Variants in CSTPP1 observed in about 807,000 individuals in gnomAD.
The protein encoded by CSTPP1 is UPF0705 protein C11orf49.
the CSTPP1 span, among the ~76,000 whole-genome samples, chr11:47,026,418 G>A: frequency 6.6e-6 from 1 of 152,122 alleles, no homozygotes; most frequent in Non-Finnish European, 1.5e-5. Flanking sequence ...AGACAAATTA[G>A]AGATTTACGG....
the CSTPP1 span, among the ~76,000 whole-genome samples, chr11:47,095,966 G>C: frequency 2.2e-3 from 334 of 152,040 alleles, 1 homozygote; most frequent in Non-Finnish European, 1.5e-3. Flanking sequence ...AACAACTAAG[G>C]GTACCCTATC....
chr11:47,038,431 TG>T, the CSTPP1 span, among the ~76,000 whole-genome samples: 2 of 56,420 alleles, frequency 3.5e-5, no homozygotes, highest in Non-Finnish European at 8.9e-5. Context: ...ACCTCCCGGA[TG>T]GGGCGGCTGG....
At chr11:47,060,763 AACCAGAT>A in the CSTPP1 span, among the ~76,000 whole-genome samples, 2 of 152,136 alleles carry the variant, frequency 1.3e-5, no homozygotes, top group South Asian at 4.2e-4. Context: ...TACTCATGTA[AACCAGAT>A]ACCACTGGTT....
the CSTPP1 span, among the ~76,000 whole-genome samples, chr11:46,985,562 G>A: frequency 2.6e-5 from 4 of 152,106 alleles, no homozygotes; most frequent in African/African-American, 9.7e-5. Context: ...AAGCTTCTAT[G>A]TAAAGTTTGT....
the CSTPP1 span, among the ~76,000 whole-genome samples, chr11:47,136,504 A>G: frequency 1.0e-3 from 159 of 152,286 alleles, no homozygotes; most frequent in African/African-American, 3.2e-3. Context: ...CCCACCTTGA[A>G]TTAAGCTTTG....
At chr11:47,123,564 T>A in the CSTPP1 span, among the ~76,000 whole-genome samples, 4 of 152,108 alleles carry the variant, frequency 2.6e-5, no homozygotes, top group African/African-American at 7.2e-5. Flanking sequence ...CAACAATGAA[T>A]AAAAAATCAA....
chr11:47,157,851 A>G, the CSTPP1 span: 2 of 1,614,128 alleles, frequency 1.2e-6, no homozygotes, highest in Non-Finnish European at 1.7e-6. Context: ...GCCCTCAGCA[A>G]TGTTCAGAGA....
the CSTPP1 span, among the ~76,000 whole-genome samples, chr11:47,100,337 G>T: frequency 6.6e-6 from 1 of 152,140 alleles, no homozygotes; most frequent in Admixed American, 6.5e-5. Context: ...AATATGTTTA[G>T]ATTGATCTGG....
the CSTPP1 span, among the ~76,000 whole-genome samples, chr11:47,125,323 A>G: frequency 6.6e-6 from 1 of 152,140 alleles, no homozygotes; most frequent in South Asian, 2.1e-4. Flanking sequence ...GATTCTGACG[A>G]GAAAACAGGC....
chr11:47,125,122 A>G, the CSTPP1 span, among the ~76,000 whole-genome samples: 371 of 152,336 alleles, frequency 2.4e-3, 1 homozygote, highest in African/African-American at 8.1e-3. Context: ...CCATATAATT[A>G]TAGATAGGGT....
the CSTPP1 span, among the ~76,000 whole-genome samples, chr11:46,998,566 T>C: frequency 6.6e-6 from 1 of 152,222 alleles, no homozygotes; most frequent in African/African-American, 2.4e-5. Context: ...CTTTTGGGTT[T>C]TCTTTTTTTT....
the CSTPP1 span, among the ~76,000 whole-genome samples, chr11:47,074,190 TCAA>T: frequency 5.4e-5 from 8 of 149,136 alleles, no homozygotes; most frequent in Admixed American, 4.0e-4. Flanking sequence ...GGCAACAGTC[TCAA>T]CAACAACAAC....
chr11:47,054,306 G>A, the CSTPP1 span, among the ~76,000 whole-genome samples: 296 of 106,000 alleles, frequency 2.8e-3, 2 homozygotes, highest in African/African-American at 0.01. Flanking sequence ...GCAATACTCC[G>A]TCTCAAAAAA....
At chr11:46,967,841 A>G in the CSTPP1 span, among the ~76,000 whole-genome samples, 1 of 150,394 alleles carries the variant, frequency 6.6e-6, no homozygotes, top group Non-Finnish European at 1.5e-5. Flanking sequence ...CTATATTATT[A>G]TCGAGACAAC....
chr11:47,069,364 A>C, the CSTPP1 span, among the ~76,000 whole-genome samples: 1 of 152,206 alleles, frequency 6.6e-6, no homozygotes, highest in Admixed American at 6.5e-5. Context: ...TGTGTCATTT[A>C]GTCTCTGAGA....
the CSTPP1 span, among the ~76,000 whole-genome samples, chr11:46,957,006 AT>A: frequency 1.3e-5 from 2 of 151,206 alleles, no homozygotes; most frequent in African/African-American, 2.4e-5. Context: ...CTTTTTGAAC[AT>A]TTTTTTTCAT....
At chr11:46,963,324 CTT>C in the CSTPP1 span, among the ~76,000 whole-genome samples, 30 of 123,000 alleles carry the variant, frequency 2.4e-4, no homozygotes, top group Admixed American at 3.2e-4. Context: ...TTAGTTTTAG[CTT>C]TTTTTTTTTT....
At chr11:47,154,345 T>C in the CSTPP1 span, 21 of 152,334 alleles carry the variant, frequency 1.4e-4, no homozygotes, top group African/African-American at 5.1e-4. Flanking sequence ...CTGCCTGGCA[T>C]GTGATGGAGC....
chr11:47,009,828 A>T, the CSTPP1 span, among the ~76,000 whole-genome samples: 1 of 152,126 alleles, frequency 6.6e-6, no homozygotes, highest in Non-Finnish European at 1.5e-5. Context: ...AAAGAAAAAA[A>T]AAAGGAAGAG....
Sources: allele counts gnomAD v4.1 joint callset (sites outside exome capture counted in the v4.1 genomes callset), GRCh38; gene constraint gnomAD v4.1.1; transcripts MANE v1.5; gene names NCBI Gene and HGNC (gene_info 2026-07-23, HGNC 2026-07-21).